RNF125: variants seen among roughly 807,000 people sequenced by gnomAD.
RNF125 encodes ring finger protein 125, also known as E3 ubiquitin-protein ligase RNF125.
A neutral mutation model predicts 26.0 loss-of-function variants in RNF125; 21 were observed. The ratio of observed to expected loss-of-function variants is 0.81; its 90% CI spans 0.57 to 1.16. The LOEUF (loss-of-function observed/expected upper bound fraction) is 1.16, where lower values mean the gene tolerates loss of function less well. Among genes scored for constraint, RNF125 ranks in the 50% most tolerant of loss-of-function variants. The pLI, the probability that RNF125 is intolerant of heterozygous loss-of-function variation, is 0.00. For missense variants in RNF125, 270 were observed against 299.4 expected, an observed-to-expected ratio of 0.90 and a Z score of 0.72; for synonymous variants, 95 against 109.2, an observed-to-expected ratio of 0.87 and a Z score of 0.81.
intron 1 of RNF125, among the ~76,000 whole-genome samples, chr18:32,029,195 G>A (rs1371469389): frequency 6.6e-6 from 1 of 152,078 alleles, no homozygotes; most frequent in East Asian, 1.9e-4. Flanking sequence ...ATAATTTTAA[G>A]TGAACTTTAT....
At chr18:32,053,690 C>A (rs796741750) in intron 4 of RNF125, among the ~76,000 whole-genome samples, 1 of 151,788 alleles carries the variant, frequency 6.6e-6, no homozygotes, top group Admixed American at 6.6e-5. Flanking sequence ...ATTGCTTGAG[C>A]GCGGGAGGTA....
At chr18:32,064,559 TCACACA>T (rs34510070) in intron 4 of RNF125, among the ~76,000 whole-genome samples, 1 of 150,300 alleles carries the variant, frequency 6.7e-6, no homozygotes, top group Non-Finnish European at 1.5e-5. Context: ...CCAAACTATA[TCACACA>T]CACACACACT....
chr18:32,086,828 T>C, the RNF125 span, among the ~76,000 whole-genome samples: 1 of 151,518 alleles, frequency 6.6e-6, no homozygotes, highest in East Asian at 1.9e-4. Context: ...CTCTAAAATG[T>C]TTTTGTAGAG....
At chr18:32,044,983 T>TG (rs1351163403) in intron 3 of RNF125, among the ~76,000 whole-genome samples, 1 of 151,788 alleles carries the variant, frequency 6.6e-6, no homozygotes, top group Admixed American at 6.6e-5. Context: ...ATTAGCATGG[T>TG]GGCATGTGCC....
intron 1 of RNF125, among the ~76,000 whole-genome samples, 164 bp downstream of exon 1, chr18:32,019,191 G>C (rs916115018): frequency 7.9e-5 from 12 of 152,110 alleles, no homozygotes; most frequent in African/African-American, 2.9e-4. Context: ...GGAAAACGCG[G>C]GTCGGAAGGT....
At chr18:32,047,923 G>A (rs1218438760) in intron 4 of RNF125, among the ~76,000 whole-genome samples, 3 of 152,074 alleles carry the variant, frequency 2.0e-5, no homozygotes, top group Non-Finnish European at 4.4e-5. Context: ...CCAAGAGTTC[G>A]AGACCAGCCT....
chr18:32,043,992 GT>G (rs1323904777), intron 3 of RNF125, among the ~76,000 whole-genome samples: 2,354 of 147,494 alleles, frequency 0.016, 56 homozygotes, highest in African/African-American at 0.054. Context: ...AATATAATGG[GT>G]TTTTTTTTTT....
intron 5 of RNF125, 93 bp downstream of exon 5, chr18:32,066,102 A>T: frequency 2.6e-6 from 2 of 776,512 alleles, no homozygotes; most frequent in Non-Finnish European, 4.4e-6. Context: ...TAGAGGAAAA[A>T]ATGTGTATAT....
intron 1 of RNF125, among the ~76,000 whole-genome samples, chr18:32,035,782 T>C (rs945857796): frequency 1.3e-5 from 2 of 152,198 alleles, no homozygotes; most frequent in South Asian, 4.1e-4. Context: ...TATAGGCTGG[T>C]ACAATGTTTG....
At chr18:32,051,007 G>A (rs758544782) in intron 4 of RNF125, among the ~76,000 whole-genome samples, 2 of 148,584 alleles carry the variant, frequency 1.3e-5, no homozygotes, top group South Asian at 2.2e-4. Context: ...ACAGGCATGA[G>A]CCACCGCGCC....
chr18:32,037,556 T>C (rs1322850732), intron 2 of RNF125, among the ~76,000 whole-genome samples: 1 of 151,814 alleles, frequency 6.6e-6, no homozygotes. Flanking sequence ...GTATTTTTAG[T>C]AGAGACACGG....
intron 1 of RNF125, among the ~76,000 whole-genome samples, chr18:32,030,099 C>T (rs973894955): frequency 1.3e-5 from 2 of 152,166 alleles, no homozygotes; most frequent in Non-Finnish European, 2.9e-5. Flanking sequence ...GGCTGGAGTG[C>T]AGTGATGCGA....
chr18:32,019,811 G>T (rs1372074169), intron 1 of RNF125, among the ~76,000 whole-genome samples: 1 of 152,174 alleles, frequency 6.6e-6, no homozygotes, highest in Non-Finnish European at 1.5e-5. Flanking sequence ...TCTCCAAACC[G>T]GCGGAAATTA....
intron 1 of RNF125, among the ~76,000 whole-genome samples, chr18:32,019,381 A>G (rs1472478509): frequency 6.6e-6 from 1 of 152,082 alleles, no homozygotes; most frequent in African/African-American, 2.4e-5. Context: ...GCGCTCGCCC[A>G]GGCACGGAAA....
the RNF125 span, among the ~76,000 whole-genome samples, chr18:32,087,355 T>C: frequency 5.3e-5 from 8 of 149,574 alleles, no homozygotes; most frequent in East Asian, 2.1e-4. Flanking sequence ...GAGTGGGCTA[T>C]GGGAACCGCA....
chr18:32,025,920 T>A lies in RNF125; in HGVS notation c.164+6893T>A, dbSNP rs1373729401. On this transcript the variant is annotated intron_variant, in intron 1 of 5. Coordinates refer to ENST00000217740, the MANE Select transcript of RNF125 (RefSeq NM_017831.4). ...TAAGCTTTCAAAAGGCCAATACAGTTTTAGTTAGTAGGAGTCTGAGGAACA... is the reference window on the plus strand; with the variant it reads ...TAAGCTTTCAAAAGGCCAATACAGTATTAGTTAGTAGGAGTCTGAGGAACA... Among the ~76,000 whole-genome samples the A allele has an allele frequency of 2.0e-5, 3 of 151,746 alleles. No homozygotes were observed. The East Asian group carries it at 5.8e-4, about 29-fold the overall frequency.
At chr18:32,077,066 C>T (rs1022059355), downstream of RNF125, among the ~76,000 whole-genome samples, 1 of 152,116 alleles carries the variant, frequency 6.6e-6, no homozygotes, top group African/African-American at 2.4e-5. Flanking sequence ...CAAGTATTCA[C>T]CACTAAATTC....
chr18:32,087,146 A>G, the RNF125 span, among the ~76,000 whole-genome samples: 1 of 151,974 alleles, frequency 6.6e-6, no homozygotes, highest in Non-Finnish European at 1.5e-5. Context: ...CGTCATCTGT[A>G]TCTTTTGCAA....
At chr18:32,035,237 A>G (rs2039141348) in intron 1 of RNF125, among the ~76,000 whole-genome samples, 1 of 152,188 alleles carries the variant, frequency 6.6e-6, no homozygotes, top group African/African-American at 2.4e-5. Context: ...ACAGGTATAA[A>G]CAACAAGTAG....
Sources: allele counts gnomAD v4.1 joint callset (sites outside exome capture counted in the v4.1 genomes callset), GRCh38; gene constraint gnomAD v4.1.1; transcripts MANE v1.5; gene names NCBI Gene and HGNC (gene_info 2026-07-23, HGNC 2026-07-21).